The following PIEZO2 variants were observed in gnomAD, a reference collection of about 807,000 sequenced individuals.
PIEZO2 encodes the protein piezo type mechanosensitive ion channel component 2.
A neutral mutation model predicts 337.3 loss-of-function variants in PIEZO2; 172 were observed. The observed-to-expected ratio is 0.51, with a 90% CI of 0.45 to 0.58. The LOEUF (loss-of-function observed/expected upper bound fraction) is 0.58, where lower values mean the gene tolerates loss of function less well. Ranked by LOEUF, PIEZO2 falls within the 20% of genes least tolerant of loss-of-function variation. PIEZO2 has a pLI of 0.00. For synonymous variants in PIEZO2, 1,251 were observed against 1,228.5 expected (o/e 1.02, Z -0.38); for missense variants, 3,028 against 3,391.3 (o/e 0.89, Z 2.66).
chr18:10,721,625 C>A (rs952989935), intron 36 of PIEZO2, among the ~76,000 whole-genome samples: 1 of 151,418 alleles, frequency 6.6e-6, no homozygotes, highest in African/African-American at 2.4e-5. Context: ...AAAATTAAAA[C>A]GAACTCTATA....
rs1173664914 is a variant in PIEZO2 at position 10,795,320 on chromosome 18, T to TC, written c.1528-319_1528-318insG. ...TAGCAAAATGTGTATTCAAATATTTTATTTTATTTTATTTTATTTTATTTT... is the reference window on the plus strand; with the variant it reads ...TAGCAAAATGTGTATTCAAATATTTTCATTTTATTTTATTTTATTTTATTTT... On this transcript the variant is annotated intron_variant, in intron 12 of 55. Coordinates refer to ENST00000674853, the MANE Select transcript of PIEZO2 (RefSeq NM_001378183.1). The surrounding 1 kb of genome is among the most constrained non-coding windows in gnomAD (Gnocchi z 4.4). 3.2e-4 allele frequency among the ~76,000 whole-genome samples: 4 copies of TC among 12,438 alleles called. No homozygotes were observed. Among genetic ancestry groups the TC allele is most frequent in the African/African-American group, 7.2e-4 (4 of 5,572 alleles). 8.2% of individuals were successfully genotyped at this position (12,438 alleles called of 152,430 possible).
At position 10,691,782 on chromosome 18, in the gene PIEZO2, C is replaced by CACACAT; in HGVS notation, c.7191-400_7191-399insATGTGT. Among the ~76,000 whole-genome samples, 4 of 96,616 alleles carry CACACAT rather than the reference C, an allele frequency of 4.1e-5. 1 individual carries two copies. The highest frequency in any genetic ancestry group is 1.9e-4 in the African/African-American group (4 of 21,508). 63.4% of individuals were successfully genotyped at this position (96,616 alleles called of 152,430 possible). A position where few individuals can be genotyped will look rare whatever the true frequency, so the allele number is the denominator to read the frequency against. The stretch of plus-strand genomic sequence containing the variant: ...AAATATATATAAACACACACACACA[C>CACACAT]ATATATATATATATATATAGAGAGA... On this transcript the variant is annotated intron_variant, in intron 47 of 55. Transcript: ENST00000674853.
At chr18:11,071,611 C>A (rs2038340951) in intron 1 of PIEZO2, among the ~76,000 whole-genome samples, 1 of 152,176 alleles carries the variant, frequency 6.6e-6, no homozygotes, top group Non-Finnish European at 1.5e-5. Flanking sequence ...GGGAAGGCTG[C>A]AGCCTAGGGG....
rs534628336 is a variant in PIEZO2 at position 10,813,682 on chromosome 18, C to T, written c.918-6408G>A. Reference sequence around the variant, plus strand: ...TCCACCTTCTGACTATTGTTCATAACGCTGTTATGAACATGGGTGAACAAA... The same window carrying T: ...TCCACCTTCTGACTATTGTTCATAATGCTGTTATGAACATGGGTGAACAAA... On this transcript the variant is annotated intron_variant, in intron 7 of 55. Coordinates refer to ENST00000674853, the MANE Select transcript of PIEZO2 (RefSeq NM_001378183.1). The surrounding 1 kb of genome is among the most constrained non-coding windows in gnomAD (Gnocchi z 4.2). Among the ~76,000 whole-genome samples, 7 of 152,236 alleles carry T rather than the reference C, an allele frequency of 4.6e-5. No individual in the cohort carries two copies. Among genetic ancestry groups the T allele is most frequent in the African/African-American group, 1.4e-4 (6 of 41,534 alleles).
At chr18:10,975,582 A>C (rs1358473635) in intron 3 of PIEZO2, among the ~76,000 whole-genome samples, 3 of 152,162 alleles carry the variant, frequency 2.0e-5, no homozygotes, top group Non-Finnish European at 4.4e-5. Context: ...GTGGTTTGAA[A>C]AAATCTTTAT....
chr18:10,777,589 C>G (rs2038834338), intron 18 of PIEZO2, among the ~76,000 whole-genome samples: 1 of 152,184 alleles, frequency 6.6e-6, no homozygotes, highest in Admixed American at 6.5e-5. Flanking sequence ...TAATTCTGTA[C>G]AAGAACCTGA....
At chr18:10,904,350 A>G (rs1338624689) in intron 4 of PIEZO2, among the ~76,000 whole-genome samples, 1 of 152,250 alleles carries the variant, frequency 6.6e-6, no homozygotes, top group Non-Finnish European at 1.5e-5. Context: ...CTAGCTGTGC[A>G]ATCTTGGGTA....
Position 10,752,760 on chromosome 18 carries a change from G to C in PIEZO2, c.4043C>G (p.Ala1348Gly). 1 of 1,537,188 alleles carries C rather than the reference G, an allele frequency of 6.5e-7. No individual in the cohort carries two copies. Among genetic ancestry groups the C allele is most frequent in the Non-Finnish European group, 8.7e-7 (1 of 1,146,904 alleles). The change falls in exon 28 of 56, where the codon GCC (alanine) becomes GGC (glycine). Residue 1348 changes from alanine to glycine, a missense_variant. Transcript: ENST00000674853. ...ISIFCMGYLV[A>G]CFYFLLFGGD... Reference sequence around the variant, plus strand: ...CCCAAAGAGCAGGAAGTAGAAACAGGCCACCAGGTACCCCATGCAAAAGAT... The same window carrying C: ...CCCAAAGAGCAGGAAGTAGAAACAGCCCACCAGGTACCCCATGCAAAAGAT...
Position 11,110,879 on chromosome 18 carries a change from C to A in PIEZO2, c.64+37646G>T, listed in dbSNP as rs995637699. On this transcript the variant is annotated intron_variant, in intron 1 of 55. Coordinates refer to ENST00000674853, the MANE Select transcript of PIEZO2 (RefSeq NM_001378183.1). The surrounding 1 kb of genome is among the most constrained non-coding windows in gnomAD (Gnocchi z 4.2). ...TCTGTGGTCCACTGGGTCACTGCCA[C>A]CCTCTCCTGAGGTCTGCTCCACACA... is the stretch of plus-strand genomic sequence containing the variant. 6.6e-6 allele frequency among the ~76,000 whole-genome samples: 1 copy of A among 152,208 alleles called. No homozygotes were observed. Among genetic ancestry groups the A allele is most frequent in the African/African-American group, 2.4e-5 (1 of 41,456 alleles).
At chr18:11,106,414 C>CTTT (rs1300701585) in intron 1 of PIEZO2, among the ~76,000 whole-genome samples, 6 of 137,804 alleles carry the variant, frequency 4.4e-5, no homozygotes, top group African/African-American at 1.9e-4. Flanking sequence ...TTTCTTTCCT[C>CTTT]TCTCTTTTTT....
At chr18:11,108,613 C>CAAA (rs532226919) in intron 1 of PIEZO2, among the ~76,000 whole-genome samples, 19 of 56,874 alleles carry the variant, frequency 3.3e-4, no homozygotes, top group African/African-American at 9.0e-4. Context: ...GACTCCCTCT[C>CAAA]AAAAAAAAAA....
intron 36 of PIEZO2, among the ~76,000 whole-genome samples, chr18:10,720,419 GTATATATATATATATATATATA>G (rs74177567): frequency 2.1e-3 from 19 of 9,260 alleles, no homozygotes; most frequent in Non-Finnish European, 2.0e-3. Context: ...GTATGTGTAT[GTATATATATATATATATATATA>G]TATATATATA....
intron 2 of PIEZO2, among the ~76,000 whole-genome samples, chr18:11,012,168 T>A (rs1303742040): frequency 6.6e-6 from 1 of 152,212 alleles, no homozygotes; most frequent in Non-Finnish European, 1.5e-5. Context: ...TAAGACTGCA[T>A]GATTGTTACT....
At chr18:10,774,543 CG>C (rs2038720851) in intron 18 of PIEZO2, among the ~76,000 whole-genome samples, 2 of 152,082 alleles carry the variant, frequency 1.3e-5, no homozygotes, top group Admixed American at 1.3e-4. Context: ...GATTGGCAAC[CG>C]TGGGAAGACT....
At chr18:10,790,190 T>C (rs2039361244) in intron 14 of PIEZO2, among the ~76,000 whole-genome samples, 1 of 152,222 alleles carries the variant, frequency 6.6e-6, no homozygotes, top group African/African-American at 2.4e-5. Context: ...TTGAATCTTA[T>C]AGACAGACTT....
rs1052050225 is a variant in PIEZO2 at position 10,855,408 on chromosome 18, A to T, written c.862T>A (p.Leu288Ile). The change falls in exon 7 of 56, where the codon TTA becomes ATA. Residue 288 changes from leucine (L) to isoleucine (I), a missense_variant. Physicochemically the swap from Leu to Ile is conservative, Grantham distance 5. Around this residue, in one of 5 missense-constraint regions of PIEZO2, gnomAD observed 542 missense variants for 605.6 expected, o/e 0.89. Coordinates refer to ENST00000674853, the MANE Select transcript of PIEZO2 (RefSeq NM_001378183.1). The surrounding 1 kb of genome is among the most constrained non-coding windows in gnomAD (Gnocchi z 4.9). ...FTAGHLIGLY[L>I]YQFQFFQEAV... ...TCTTGAAAGAATTGGAACTGGTATA[A>T]ATAAAGTCCAATCAAATGTCCAGCA... 1 of 1,537,028 alleles carries T rather than the reference A, an allele frequency of 6.5e-7. No homozygotes were observed. The highest frequency in any genetic ancestry group is 1.4e-5 in the African/African-American group (1 of 73,022).
rs1032565365 is a variant in PIEZO2 at position 10,775,384 on chromosome 18, CGTCA to C, written c.2535-1350_2535-1347del. On this transcript the variant is annotated intron_variant, in intron 18 of 55. Transcript: ENST00000674853. The surrounding 1 kb of genome is among the most constrained non-coding windows in gnomAD (Gnocchi z 4.3). ...TGGAAGTGATCGGCTGCTGCACAGT[CGTCA>C]GTATGTATTTGTTCTCTTCAGGGAT... Among the ~76,000 whole-genome samples, 2 of 152,060 alleles carry C rather than the reference CGTCA, an allele frequency of 1.3e-5. No homozygotes were observed. Among genetic ancestry groups the C allele is most frequent in the African/African-American group, 4.8e-5 (2 of 41,392 alleles).
chr18:10,698,006 T>C, intron 44 of PIEZO2, 126 bp from the exon 45 acceptor site: 1 of 884,890 alleles, frequency 1.1e-6, no homozygotes, highest in African/African-American at 1.8e-5. Flanking sequence ...GGAGGATGAG[T>C]ATGCACGGCC....
chr18:10,672,768 G>A lies in PIEZO2; in HGVS notation c.8267C>T (p.Pro2756Leu), dbSNP rs367943583. 5.9e-5 allele frequency: 95 copies of A among 1,613,898 alleles called. No individual in the cohort carries two copies. The highest frequency in any genetic ancestry group is 7.0e-5 in the Non-Finnish European group (83 of 1,179,980). ...CACCAGTTCCAGGGCCTGAGAGTTC[G>A]GATTGTATATTCTGTTTCCAGTCAG... ...LNLTGNRIYNPNSQALELVVF... is the reference protein window; with the variant it reads ...LNLTGNRIYNLNSQALELVVF... The change falls in exon 55 of 56, where the codon CCG (proline) becomes CTG (leucine). Residue 2756 changes from proline to leucine, a missense_variant. Around this residue, in one of 5 missense-constraint regions of PIEZO2, gnomAD observed 332 missense variants for 363.8 expected, o/e 0.91. Transcript: ENST00000674853. This position sits in a 1 kb window ranked among gnomAD's most constrained non-coding sequence, Gnocchi z 4.7.
Sources: allele counts gnomAD v4.1 joint callset (sites outside exome capture counted in the v4.1 genomes callset), GRCh38; gene constraint gnomAD v4.1.1; regional missense constraint gnomAD v4.1.1; non-coding constraint Gnocchi (gnomAD v3.1); transcripts MANE v1.5; gene names NCBI Gene and HGNC (gene_info 2026-07-23, HGNC 2026-07-21).